Variants in FOXK2 observed in about 807,000 individuals in gnomAD.
The protein encoded by FOXK2 is forkhead box K2.
A neutral mutation model predicts 53.3 loss-of-function variants in FOXK2; 24 were observed. The ratio of observed to expected loss-of-function variants is 0.45; its 90% CI spans 0.33 to 0.63. The LOEUF (loss-of-function observed/expected upper bound fraction) is 0.63. Among genes scored for constraint, FOXK2 ranks in the 30% least tolerant of loss-of-function variants. The pLI, the probability that FOXK2 is intolerant of heterozygous loss-of-function variation, is 0.03. For synonymous variants in FOXK2, 505 were observed against 407.1 expected (o/e 1.24, Z -2.89); for missense variants, 952 against 910.5 (o/e 1.05, Z -0.59).
intron 4 of FOXK2, chr17:82,577,173 A>G (rs1280026887): frequency 2.1e-6 from 2 of 961,002 alleles, no homozygotes; most frequent in Admixed American, 4.3e-5. Flanking sequence ...AAAAAAAGAA[A>G]AAGAAAAAAA....
chr17:82,571,861 G>T lies in FOXK2; in HGVS notation c.900G>T (p.Lys300Asn). 6.4e-7 allele frequency: 1 copy of T among 1,559,546 alleles called. No individual in the cohort carries two copies. The highest frequency in any genetic ancestry group is 1.2e-5 in the South Asian group (1 of 83,020). The change falls in exon 4 of 9, where the codon AAG becomes AAT. Residue 300 changes from lysine to asparagine, a missense_variant. Around this residue, in one of 5 missense-constraint regions of FOXK2, gnomAD observed 160 missense variants for 214.2 expected, o/e 0.75. Transcript: ENST00000335255. ...ATCCCTACTACAGGACTGCGGACAA[G>T]GGCTGGCAGGTAAATGCCTTCAGTT... is the stretch of plus-strand genomic sequence containing the variant. ...KNYPYYRTAD[K>N]GWQNSIRHNL... is the part of the protein sequence containing the mutation.
chr17:82,522,807 T>A (rs1377189826), intron 1 of FOXK2, among the ~76,000 whole-genome samples: 2 of 152,168 alleles, frequency 1.3e-5, no homozygotes, highest in Non-Finnish European at 2.9e-5. Flanking sequence ...TCAGACCTTA[T>A]TTTTTTGAGA....
chr17:82,565,528 G>T (rs1332115792), intron 2 of FOXK2, among the ~76,000 whole-genome samples: 1 of 152,184 alleles, frequency 6.6e-6, no homozygotes, highest in African/African-American at 2.4e-5. Context: ...AGAAGATATA[G>T]AAATGGCCAA....
At chr17:82,563,600 C>G in intron 2 of FOXK2, 52 bp downstream of exon 2, 2 of 1,511,696 alleles carry the variant, frequency 1.3e-6, no homozygotes, top group South Asian at 1.2e-5. Context: ...AGTGGCAGCC[C>G]CAAGTAACGC....
chr17:82,547,170 A>C (rs151312536), intron 1 of FOXK2, among the ~76,000 whole-genome samples: 127 of 151,996 alleles, frequency 8.4e-4, no homozygotes, highest in African/African-American at 2.7e-3. Context: ...TAAAGCTACA[A>C]CCTTAAGCAT....
At position 82,596,118 on chromosome 17, in the gene FOXK2, C is replaced by T. The variant is rs1176860547; in HGVS notation, c.1787-5185C>T. 4 of 1,049,588 alleles carry T rather than the reference C, an allele frequency of 3.8e-6. No individual in the cohort carries two copies. The African/African-American group carries it at 5.1e-5, about 13-fold the overall frequency. 65.0% of individuals were successfully genotyped at this position (1,049,588 alleles called of 1,614,324 possible). Reference sequence around the variant, plus strand: ...TCGGTTGAGGCCACACCTGCGGCCACAGACTGCGACCGCGATTGCAGGGAG... The same window carrying T: ...TCGGTTGAGGCCACACCTGCGGCCATAGACTGCGACCGCGATTGCAGGGAG... On this transcript the variant is annotated intron_variant, in intron 8 of 8. Transcript: ENST00000335255.
At chr17:82,597,594 G>A (rs1408438130) in intron 8 of FOXK2, among the ~76,000 whole-genome samples, 1 of 152,206 alleles carries the variant, frequency 6.6e-6, no homozygotes. Context: ...CCTCGCGACA[G>A]AGGCTCTGTG....
At chr17:82,558,984 C>T (rs1020203497) in intron 1 of FOXK2, among the ~76,000 whole-genome samples, 3 of 152,094 alleles carry the variant, frequency 2.0e-5, no homozygotes, top group Admixed American at 6.5e-5. Flanking sequence ...CTCCTGACCT[C>T]GTGATCTGCC....
intron 3 of FOXK2, among the ~76,000 whole-genome samples, chr17:82,569,261 C>T (rs763291138): frequency 6.6e-6 from 1 of 152,222 alleles, no homozygotes; most frequent in Non-Finnish European, 1.5e-5. Flanking sequence ...CACAGCTGTG[C>T]ATCCCCCACC....
intron 7 of FOXK2, among the ~76,000 whole-genome samples, chr17:82,586,657 T>A (rs998913777): frequency 6.6e-6 from 1 of 151,918 alleles, no homozygotes; most frequent in Non-Finnish European, 1.5e-5. Flanking sequence ...ATCCCAGCAC[T>A]ATGGGGGGCT....
intron 1 of FOXK2, among the ~76,000 whole-genome samples, chr17:82,546,658 G>T (rs192489267): frequency 1.3e-5 from 2 of 151,820 alleles, no homozygotes; most frequent in Non-Finnish European, 1.5e-5. Flanking sequence ...ACGGTGACGG[G>T]GGTCTCACCA....
intron 6 of FOXK2, 77 bp from the exon 7 acceptor site, chr17:82,585,827 G>C (rs1002410329): frequency 7.0e-7 from 1 of 1,436,748 alleles, no homozygotes; most frequent in Non-Finnish European, 9.6e-7. Flanking sequence ...TATGTTGCTT[G>C]TCAGTGCTGA....
At chr17:82,555,654 G>T (rs1486743928) in intron 1 of FOXK2, among the ~76,000 whole-genome samples, 1 of 151,512 alleles carries the variant, frequency 6.6e-6, no homozygotes, top group Non-Finnish European at 1.5e-5. Context: ...GGAGGCTGAG[G>T]CGGGCGGATC....
intron 1 of FOXK2, among the ~76,000 whole-genome samples, chr17:82,524,055 G>A (rs1014405892): frequency 6.6e-6 from 1 of 151,864 alleles, no homozygotes; most frequent in African/African-American, 2.4e-5. Context: ...CACCAGGCCT[G>A]GCTTTGTGTT....
chr17:82,565,590 C>G (rs1598215069), intron 2 of FOXK2, among the ~76,000 whole-genome samples: 1 of 152,162 alleles, frequency 6.6e-6, no homozygotes. Context: ...AAATGCCAAT[C>G]AAAACACAAT....
intron 8 of FOXK2, among the ~76,000 whole-genome samples, chr17:82,591,766 C>G (rs1375823899): frequency 6.6e-6 from 1 of 152,226 alleles, no homozygotes; most frequent in Non-Finnish European, 1.5e-5. Context: ...ACCCCTGCCT[C>G]AGGGCTGCGG....
At chr17:82,587,310 G>GC in intron 8 of FOXK2, 38 bp downstream of exon 8, 1 of 1,514,386 alleles carries the variant, frequency 6.6e-7, no homozygotes, top group Non-Finnish European at 9.2e-7. Flanking sequence ...GTGGCTGTGG[G>GC]TACTGGGAGC....
chr17:82,579,238 C>T (rs550420029), intron 4 of FOXK2, among the ~76,000 whole-genome samples: 7 of 152,328 alleles, frequency 4.6e-5, no homozygotes, highest in African/African-American at 1.7e-4. Context: ...ACTTAAAATT[C>T]TGAGAGCAGT....
intron 1 of FOXK2, among the ~76,000 whole-genome samples, chr17:82,552,256 C>T (rs2044684296): frequency 6.6e-6 from 1 of 152,186 alleles, no homozygotes; most frequent in Non-Finnish European, 1.5e-5. Flanking sequence ...GTACAGAGAA[C>T]TTCCGTTTTC....
Sources: gnomAD v4.1 joint callset for allele counts (sites outside exome capture counted in the v4.1 genomes callset) on GRCh38, gnomAD v4.1.1 for gene constraint, gnomAD v4.1.1 regional missense constraint, MANE v1.5 for transcripts, NCBI Gene and HGNC (gene_info 2026-07-23, HGNC 2026-07-21) for gene names.